The following WWOX variants were observed in gnomAD, a reference collection of about 807,000 sequenced individuals.
The protein encoded by WWOX is WW domain containing oxidoreductase, also known as WW domain-containing oxidoreductase.
In WWOX, 69 loss-of-function variants were observed where a neutral mutation model predicts 46.2. The observed-to-expected ratio is 1.49, with a 90% CI of 1.23 to 1.82. WWOX has a LOEUF of 1.82. WWOX is among the 40% of genes most tolerant of loss of function. The pLI is 0.00. For synonymous variants in WWOX, 359 were observed against 202.6 expected (o/e 1.77, Z -6.56); for missense variants, 919 against 542.6 (o/e 1.69, Z -6.89).
chr16:78,645,164 T>G (rs1311752637), intron 8 of WWOX, among the ~76,000 whole-genome samples: 1 of 152,156 alleles, frequency 6.6e-6, no homozygotes, highest in African/African-American at 2.4e-5. Flanking sequence ...CTCTTTCCTA[T>G]CGAAGGGTTT....
intron 5 of WWOX, among the ~76,000 whole-genome samples, chr16:78,365,301 G>A (rs1250176035): frequency 6.6e-6 from 1 of 152,154 alleles, no homozygotes; most frequent in Non-Finnish European, 1.5e-5. Flanking sequence ...GGAAGCTAAT[G>A]CCGTGAGCCA....
intron 8 of WWOX, among the ~76,000 whole-genome samples, chr16:79,011,914 G>C (rs1482065884): frequency 6.6e-6 from 1 of 152,126 alleles, no homozygotes; most frequent in African/African-American, 2.4e-5. Flanking sequence ...TCAGCCTCCT[G>C]AGTCACTGGA....
intron 5 of WWOX, among the ~76,000 whole-genome samples, chr16:78,254,649 C>T (rs544785002): frequency 2.8e-4 from 42 of 151,742 alleles, no homozygotes; most frequent in African/African-American, 9.9e-4. Context: ...GGGACCACAG[C>T]CTCCTGAGCA....
intron 7 of WWOX, 118 bp from the exon 8 acceptor site, chr16:78,432,370 T>C (rs900289128): frequency 2.3e-4 from 318 of 1,380,846 alleles, no homozygotes; most frequent in Non-Finnish European, 4.7e-5. Flanking sequence ...ACTCCCAAAG[T>C]GCTCGGATTA....
intron 8 of WWOX, among the ~76,000 whole-genome samples, chr16:78,728,203 T>C (rs2048882678): frequency 6.6e-6 from 1 of 151,480 alleles, no homozygotes; most frequent in Admixed American, 6.6e-5. Flanking sequence ...TAGCTGTGAC[T>C]ACGGACACAT....
intron 5 of WWOX, chr16:78,355,597 C>T: frequency 1.9e-6 from 1 of 536,390 alleles, no homozygotes; most frequent in Non-Finnish European, 3.7e-6. Context: ...TTAGGCTCAG[C>T]CCAGAGGAGC....
chr16:78,968,668 T>C (rs921870619), intron 8 of WWOX, among the ~76,000 whole-genome samples: 6 of 152,226 alleles, frequency 3.9e-5, no homozygotes, highest in African/African-American at 9.6e-5. Context: ...GAGGCTGATA[T>C]CGGGAGAGGC....
chr16:78,923,190 A>T (rs1490318172), intron 8 of WWOX, among the ~76,000 whole-genome samples: 1 of 151,986 alleles, frequency 6.6e-6, no homozygotes, highest in Non-Finnish European at 1.5e-5. Context: ...CATGTTGGTC[A>T]GGCTGGTCTC....
intron 8 of WWOX, among the ~76,000 whole-genome samples, chr16:79,109,926 A>T (rs192293389): frequency 2.6e-5 from 4 of 152,218 alleles, no homozygotes; most frequent in Non-Finnish European, 5.9e-5. Flanking sequence ...TTGGAGTAGT[A>T]TGTGAGCTTA....
intron 8 of WWOX, among the ~76,000 whole-genome samples, chr16:78,813,627 C>T (rs898562789): frequency 3.3e-5 from 5 of 152,162 alleles, no homozygotes; most frequent in African/African-American, 1.2e-4. Flanking sequence ...ATCACGTATC[C>T]ATTGTGTCTC....
intron 8 of WWOX, among the ~76,000 whole-genome samples, chr16:78,474,056 T>G (rs927967181): frequency 1.3e-5 from 2 of 152,078 alleles, no homozygotes; most frequent in African/African-American, 4.8e-5. Context: ...TAAAAGAAAA[T>G]GAAGTGACAT....
chr16:78,671,823 T>C (rs1005019487), intron 8 of WWOX, among the ~76,000 whole-genome samples: 5 of 152,202 alleles, frequency 3.3e-5, no homozygotes, highest in African/African-American at 7.2e-5. Flanking sequence ...GATCAAGATA[T>C]GGATTGTAAA....
intron 8 of WWOX, among the ~76,000 whole-genome samples, chr16:78,751,564 A>T (rs1277798165): frequency 6.6e-6 from 1 of 150,488 alleles, no homozygotes; most frequent in East Asian, 1.9e-4. Context: ...AGCATTTTAA[A>T]ACAGTTTACT....
chr16:78,569,757 C>T (rs1597283004), intron 8 of WWOX, among the ~76,000 whole-genome samples: 1 of 152,154 alleles, frequency 6.6e-6, no homozygotes, highest in African/African-American at 2.4e-5. Flanking sequence ...GTGCTTCTTC[C>T]TTATCTTGAA....
intron 8 of WWOX, among the ~76,000 whole-genome samples, chr16:78,804,831 C>T (rs952772248): frequency 9.2e-5 from 14 of 152,186 alleles, no homozygotes; most frequent in Non-Finnish European, 1.5e-4. Flanking sequence ...CTGTTTATAC[C>T]TTAGGCATTC....
intron 8 of WWOX, chr16:79,206,845 T>G (rs2051529099): frequency 1.3e-5 from 2 of 152,206 alleles, no homozygotes; most frequent in South Asian, 4.1e-4. Context: ...ATAGGCTGCA[T>G]TACTTTATGA....
chr16:78,714,934 C>T (rs1045869637), intron 8 of WWOX, among the ~76,000 whole-genome samples: 7 of 152,018 alleles, frequency 4.6e-5, no homozygotes, highest in African/African-American at 7.3e-5. Context: ...TGATAGATGA[C>T]GTGATTGTGA....
At chr16:79,130,847 G>A (rs945095127) in intron 8 of WWOX, among the ~76,000 whole-genome samples, 13 of 152,284 alleles carry the variant, frequency 8.5e-5, no homozygotes, top group African/African-American at 2.6e-4. Context: ...CGCACAGTGC[G>A]GAGCTACTGC....
At position 78,311,476 on chromosome 16, in the gene WWOX, TCCTCTG is replaced by T. The variant is rs957060234; in HGVS notation, c.517-75382_517-75377del. On this transcript the variant is annotated intron_variant, in intron 5 of 8. Coordinates refer to ENST00000566780, the MANE Select transcript of WWOX (RefSeq NM_016373.4). Reference sequence around the variant, plus strand: ...CAGGAGCACTGAAGCAGACACTGATTCCTCTGCAGTTGTTGGGCTTTTGAGCTACTT... The same window carrying T: ...CAGGAGCACTGAAGCAGACACTGATTCAGTTGTTGGGCTTTTGAGCTACTT... Among the ~76,000 whole-genome samples, 56 of 152,210 alleles carry T rather than the reference TCCTCTG, an allele frequency of 3.7e-4. 1 individual carries two copies. The highest frequency in any genetic ancestry group is 6.3e-3 in the Middle Eastern group (2 of 316).
Sources: gnomAD v4.1 joint callset for allele counts (sites outside exome capture counted in the v4.1 genomes callset) on GRCh38, gnomAD v4.1.1 for gene constraint, MANE v1.5 for transcripts, NCBI Gene and HGNC (gene_info 2026-07-23, HGNC 2026-07-21) for gene names.